Variants in SWI5 observed in about 807,000 individuals in gnomAD.
SWI5 encodes the protein SWI5 homologous recombination repair protein, also known as DNA repair protein SWI5 homolog.
In SWI5, 12 loss-of-function variants were observed where a neutral mutation model predicts 17.0. The ratio of observed to expected loss-of-function variants is 0.71; its 90% CI spans 0.45 to 1.14. The LOEUF is 1.14. SWI5 is among the 50% of genes most tolerant of loss of function. The pLI is 0.00. For missense variants in SWI5, 158 were observed against 162.2 expected (o/e 0.97, Z 0.14); for synonymous variants, 61 against 64.0 (o/e 0.95, Z 0.22).
intron 4 of SWI5, among the ~76,000 whole-genome samples, chr9:128,288,375 G>A (rs1411176027): frequency 6.6e-6 from 1 of 152,222 alleles, no homozygotes; most frequent in Non-Finnish European, 1.5e-5. Context: ...TGCAAAATGG[G>A]GTGAGGGTCC....
chr9:128,283,950 G>A (rs966852067), intron 2 of SWI5, among the ~76,000 whole-genome samples: 7 of 151,302 alleles, frequency 4.6e-5, no homozygotes, highest in East Asian at 1.9e-4. Flanking sequence ...CTATAATCAC[G>A]CCACTGCAAT....
At chr9:128,276,473 A>T (rs1831381653) in intron 1 of SWI5, 71 bp downstream of exon 1, 13 of 1,585,098 alleles carry the variant, frequency 8.2e-6, no homozygotes, top group Non-Finnish European at 1.1e-5. Context: ...CTCCCTTCCC[A>T]GAAATCACCT....
At chr9:128,282,995 T>G (rs976640221) in intron 2 of SWI5, among the ~76,000 whole-genome samples, 1 of 151,814 alleles carries the variant, frequency 6.6e-6, no homozygotes, top group Non-Finnish European at 1.5e-5. Flanking sequence ...CTGGCCAACA[T>G]GGCAAAAACC....
In SWI5 at chr9:128,285,989, A is replaced by G; in HGVS notation, c.284A>G (p.Tyr95Cys). 2 of 1,614,102 alleles carry G rather than the reference A, an allele frequency of 1.2e-6. No homozygotes were observed. The highest frequency in any genetic ancestry group is 1.1e-5 in the South Asian group (1 of 91,086). The change falls in exon 4 of 5, where the codon TAC becomes TGC. Residue 95 changes from tyrosine (Y) to cysteine (C), a missense_variant. Transcript: ENST00000418976. This position sits in a 1 kb window ranked among gnomAD's most constrained non-coding sequence, Gnocchi z 4.8. ...GACCACATTACCCAGCTTCACGAGT[A>G]CAATGACATCAAGGATGTGGGGCAG...
intron 4 of SWI5, among the ~76,000 whole-genome samples, chr9:128,287,566 T>TTA (rs887791775): frequency 2.0e-5 from 3 of 146,452 alleles, no homozygotes; most frequent in Non-Finnish European, 4.5e-5. Flanking sequence ...CCTTTTTTTT[T>TTA]TTTTTTTTTT....
chr9:128,275,542 A>G, upstream of SWI5: 4 of 1,272,336 alleles, frequency 3.1e-6, no homozygotes, highest in South Asian at 2.5e-5. Context: ...TCACGGGCCC[A>G]AAGTCACTGG....
chr9:128,277,641 C>T (rs951398665), intron 2 of SWI5, among the ~76,000 whole-genome samples: 2 of 152,182 alleles, frequency 1.3e-5, no homozygotes, highest in African/African-American at 4.8e-5. Flanking sequence ...GCCAGATAGC[C>T]CCCTGCCCTC....
upstream of SWI5, chr9:128,276,193 C>A: frequency 1.3e-6 from 2 of 1,594,950 alleles, no homozygotes; most frequent in Non-Finnish European, 8.5e-7. Context: ...ACAAAAGCTG[C>A]GCACGCAACC....
upstream of SWI5, among the ~76,000 whole-genome samples, chr9:128,275,728 C>T (rs1208310821): frequency 6.6e-6 from 1 of 151,844 alleles, no homozygotes; most frequent in Admixed American, 6.6e-5. Context: ...GGCTGGGCGG[C>T]TGAGGGGGCG....
intron 2 of SWI5, among the ~76,000 whole-genome samples, chr9:128,283,726 C>T (rs1831583050): frequency 6.6e-6 from 1 of 152,176 alleles, no homozygotes; most frequent in Non-Finnish European, 1.5e-5. Flanking sequence ...TGACTTGTAC[C>T]TTATCATCCA....
rs533198003 is a variant in SWI5, at chr9:128,280,759, C to T, written c.112-3751C>T. ...GTCTTGATCTCCTGACCTCGTGATC[C>T]TCCCGCCTCCGCCTCCCAAAGTGCT... On this transcript the variant is annotated intron_variant, in intron 2 of 4. Coordinates refer to ENST00000418976, the Ensembl canonical transcript of SWI5. Among the ~76,000 whole-genome samples, 222 of 152,216 alleles carry T rather than the reference C, an allele frequency of 1.5e-3. 3 individuals carry two copies. The highest frequency in any genetic ancestry group is 1.8e-4 in the Non-Finnish European group (12 of 68,000).
At chr9:128,276,001 G>A (rs747840603), upstream of SWI5, 7 of 1,595,710 alleles carry the variant, frequency 4.4e-6, no homozygotes, top group Non-Finnish European at 5.1e-6. Context: ...CAACCACTGC[G>A]GAAGTCAGTC....
rs11306272 is a variant in SWI5, at chr9:128,281,028, C to CTTTTT, written c.112-3457_112-3453dup. ...CGTGTTCAATACAGATTCAACCATGCTTTTTTTTTTTTTTTTTTTTTTTTT... is the reference window on the plus strand; with the variant it reads ...CGTGTTCAATACAGATTCAACCATGCTTTTTTTTTTTTTTTTTTTTTTTTTTTTTT... On this transcript the variant is annotated intron_variant, in intron 2 of 4. Transcript: ENST00000418976. Among the ~76,000 whole-genome samples the CTTTTT allele has an allele frequency of 2.1e-4, 9 of 43,774 alleles. 1 individual carries two copies. Among genetic ancestry groups the CTTTTT allele is most frequent in the Admixed American group, 4.1e-4 (1 of 2,410 alleles). 28.7% of individuals were successfully genotyped at this position (43,774 alleles called of 152,430 possible). A position where few individuals can be genotyped will look rare whatever the true frequency, so the allele number is the denominator to read the frequency against.
rs545646478 is a variant in SWI5, at chr9:128,284,284, G to A, written c.112-226G>A. On this transcript the variant is annotated intron_variant, in intron 2 of 4. Coordinates refer to ENST00000418976, the Ensembl canonical transcript of SWI5. ...AGTCTGGGCAACAGAGCGAGACTCC[G>A]TCTCAAAAAAAAAAAAAAAAAAAAT... is the stretch of plus-strand genomic sequence containing the variant. Among the ~76,000 whole-genome samples the A allele has an allele frequency of 5.8e-3, 697 of 119,574 alleles. 6 individuals carry two copies. The highest frequency in any genetic ancestry group is 0.025 in the African/African-American group (647 of 26,284). 78.4% of individuals were successfully genotyped at this position (119,574 alleles called of 152,430 possible).
chr9:128,286,267 G>C (rs1831637871), intron 4 of SWI5: 1 of 496,728 alleles, frequency 2.0e-6, no homozygotes. Context: ...GTTTGAGCGG[G>C]GCTTGCCCAT....
intron 2 of SWI5, among the ~76,000 whole-genome samples, chr9:128,280,569 G>C (rs1395685034): frequency 6.6e-6 from 1 of 150,968 alleles, no homozygotes; most frequent in Non-Finnish European, 1.5e-5. Context: ...GAGTGCTGGA[G>C]TACAGTGGTG....
exon 3 of SWI5, chr9:128,284,578 A>G (rs1175055335): frequency 1.2e-6 from 2 of 1,613,856 alleles, no homozygotes; most frequent in African/African-American, 2.7e-5. Flanking sequence ...ACATTCAGAA[A>G]CTGAAGGAGA....
At chr9:128,286,113 G>A in intron 4 of SWI5, 80 bp downstream of exon 4, 5 of 1,076,976 alleles carry the variant, frequency 4.6e-6, no homozygotes, top group South Asian at 1.4e-5. Context: ...TTTGCTCCTG[G>A]GCCTCCCAGC....
chr9:128,279,483 G>A (rs1197856724), intron 2 of SWI5, among the ~76,000 whole-genome samples: 5 of 152,212 alleles, frequency 3.3e-5, no homozygotes, highest in African/African-American at 1.2e-4. Context: ...ATGATCGTGG[G>A]CCAGTGGGCC....
Sources: gnomAD v4.1 joint callset for allele counts (sites outside exome capture counted in the v4.1 genomes callset) on GRCh38, gnomAD v4.1.1 for gene constraint, Gnocchi (gnomAD v3.1) non-coding constraint, MANE v1.5 for transcripts, NCBI Gene and HGNC (gene_info 2026-07-23, HGNC 2026-07-21) for gene names.